Variants in CDK19 observed in about 807,000 individuals in gnomAD.
CDK19 encodes the protein cyclin-dependent kinase 19.
A neutral mutation model predicts 68.3 loss-of-function variants in CDK19; 20 were observed. The observed-to-expected ratio is 0.29, with a 90% confidence interval of 0.21 to 0.43. The LOEUF is 0.43. Ranked by LOEUF, CDK19 falls within the 20% of genes least tolerant of loss-of-function variation. The probability of loss-of-function intolerance (pLI) is 1.00; values close to 1 mark genes in which losing one functional copy is unlikely to be tolerated. For synonymous variants in CDK19, 221 were observed against 222.8 expected (o/e 0.99, Z 0.07); for missense variants, 339 against 623.5 (o/e 0.54, Z 4.86).
At position 110,638,809 on chromosome 6, in the gene CDK19, C is replaced by T. The variant is rs966268395; in HGVS notation, c.457-103G>A. On this transcript the variant is annotated intron_variant, in intron 4 of 12. Transcript: ENST00000368911. ...ATATAAAAAATCATTTCTGTATTTT[C>T]ATCAAAAGTAAATCAAATATTAAGC... 8.9e-5 allele frequency: 63 copies of T among 707,942 alleles called. No homozygotes were observed. In the Admixed American group the frequency reaches 1.5e-3, roughly 17 times the overall value. The allele number at this position is 707,942 out of a possible 1,614,324, so 43.9% of individuals were successfully genotyped here. A position where few individuals can be genotyped will look rare whatever the true frequency, so the allele number is the denominator to read the frequency against.
chr6:110,761,321 A>C (rs1393299067), intron 1 of CDK19, among the ~76,000 whole-genome samples: 2 of 152,200 alleles, frequency 1.3e-5, no homozygotes, highest in African/African-American at 4.8e-5. Context: ...TTTGCAAATA[A>C]TTTAAATGAG....
chr6:110,764,047 G>A (rs913770732), intron 1 of CDK19, among the ~76,000 whole-genome samples: 2 of 151,940 alleles, frequency 1.3e-5, no homozygotes, highest in Non-Finnish European at 2.9e-5. Flanking sequence ...TCTAACAAAA[G>A]TATAAAATAT....
At chr6:110,639,628 G>C (rs74476912) in intron 4 of CDK19, among the ~76,000 whole-genome samples, 2 of 152,202 alleles carry the variant, frequency 1.3e-5, no homozygotes, top group Non-Finnish European at 2.9e-5. Flanking sequence ...AGAGAAGACT[G>C]AGGTTTTGTG....
rs940539 is a variant in CDK19 at position 110,656,255 on chromosome 6, A to C, written c.456+11179T>G. Among the ~76,000 whole-genome samples the C allele has an allele frequency of 6.6e-5, 10 of 152,242 alleles. No homozygotes were observed. The South Asian group carries it at 2.1e-3, about 32-fold the overall frequency. On this transcript the variant is annotated intron_variant, in intron 4 of 12. Coordinates refer to ENST00000368911, the MANE Select transcript of CDK19 (RefSeq NM_015076.5). ...TAACTCTGTATTCCCAGTACCCAGC[A>C]TACTATCTGGTACATATTAAGAAGC... is the stretch of plus-strand genomic sequence containing the variant.
At chr6:110,758,840 G>A (rs1400901454) in intron 1 of CDK19, among the ~76,000 whole-genome samples, 5 of 152,066 alleles carry the variant, frequency 3.3e-5, no homozygotes. Context: ...TGTCAGATCA[G>A]ATAGAGCTAG....
intron 1 of CDK19, among the ~76,000 whole-genome samples, chr6:110,811,703 A>G (rs1174857937): frequency 6.6e-6 from 1 of 152,180 alleles, no homozygotes; most frequent in African/African-American, 2.4e-5. Context: ...CTTGTATTAA[A>G]AAGTTCAGAA....
At chr6:110,800,757 A>C (rs1255941042) in intron 1 of CDK19, among the ~76,000 whole-genome samples, 3 of 152,192 alleles carry the variant, frequency 2.0e-5, no homozygotes, top group Non-Finnish European at 4.4e-5. Context: ...CATTCCCTTC[A>C]TGACAAAAAT....
chr6:110,809,114 C>T (rs1210044087), intron 1 of CDK19, among the ~76,000 whole-genome samples: 1 of 151,436 alleles, frequency 6.6e-6, no homozygotes, highest in Non-Finnish European at 1.5e-5. Flanking sequence ...ACTCGGGAGG[C>T]TGAGGCAGGA....
At position 110,714,688 on chromosome 6, in the gene CDK19, T is replaced by C. The variant is rs187544727; in HGVS notation, c.204+31438A>G. Among the ~76,000 whole-genome samples the C allele has an allele frequency of 9.9e-5, 15 of 151,962 alleles. No homozygotes were observed. In the East Asian group the frequency reaches 1.7e-3, roughly 18 times the overall value. On this transcript the variant is annotated intron_variant, in intron 2 of 12. Transcript: ENST00000368911. ...GAGCATCTTTTCATGTGCTTAAAGG[T>C]GATTCATATATCTTCTTTGGAAAAA... is the stretch of plus-strand genomic sequence containing the variant.
In CDK19 at chr6:110,648,538, C is replaced by CTTTTTTTTT. The variant is rs60624969; in HGVS notation, c.457-9841_457-9833dup. ...AACACCATGAAATCTTTTTTCTTTT[C>CTTTTTTTTT]TTTTTTTTTTTTTTTTTTTTGAGAA... is the stretch of plus-strand genomic sequence containing the variant. On this transcript the variant is annotated intron_variant, in intron 4 of 12. Transcript: ENST00000368911. Among the ~76,000 whole-genome samples the CTTTTTTTTT allele has an allele frequency of 4.6e-4, 55 of 120,228 alleles. 2 individuals carry two copies. Among genetic ancestry groups the CTTTTTTTTT allele is most frequent in the African/African-American group, 1.7e-3 (53 of 32,038 alleles). 78.9% of individuals were successfully genotyped at this position (120,228 alleles called of 152,430 possible).
intron 2 of CDK19, among the ~76,000 whole-genome samples, chr6:110,698,229 G>A (rs1212302950): frequency 1.3e-5 from 2 of 151,914 alleles, no homozygotes; most frequent in Non-Finnish European, 2.9e-5. Context: ...ACAACCCACA[G>A]AATGGGAGAA....
intron 1 of CDK19, among the ~76,000 whole-genome samples, chr6:110,783,426 T>C (rs1489316117): frequency 1.3e-5 from 2 of 151,832 alleles, no homozygotes; most frequent in East Asian, 3.9e-4. Flanking sequence ...TCACTAGAGG[T>C]CAGGAGTTCG....
At position 110,769,577 on chromosome 6, in the gene CDK19, A is replaced by AAAT. The variant is rs768751177; in HGVS notation, c.129-23379_129-23377dup. 9.9e-3 allele frequency among the ~76,000 whole-genome samples: 1,446 copies of AAAT among 146,318 alleles called. 26 individuals are homozygous for AAAT. The highest frequency in any genetic ancestry group is 0.033 in the African/African-American group (1,307 of 39,394). ...AAGATTCCATCTCAAAAAAAAAAAA[A>AAAT]AATAATAATAATAATAATAATAGGG... On this transcript the variant is annotated intron_variant, in intron 1 of 12. Transcript: ENST00000368911.
intron 2 of CDK19, among the ~76,000 whole-genome samples, chr6:110,687,294 C>CT (rs1312380647): frequency 6.6e-6 from 1 of 152,136 alleles, no homozygotes; most frequent in Non-Finnish European, 1.5e-5. Flanking sequence ...ATGGTACTAA[C>CT]TTTAACAAAT....
chr6:110,645,951 C>A (rs1287618892), intron 4 of CDK19: 1 of 1,150,578 alleles, frequency 8.7e-7, no homozygotes, highest in Non-Finnish European at 1.3e-6. Context: ...AGCCACCGAC[C>A]GCGAGGGCTT....
At chr6:110,690,709 T>C (rs531121110) in intron 2 of CDK19, among the ~76,000 whole-genome samples, 3 of 152,298 alleles carry the variant, frequency 2.0e-5, no homozygotes, top group Admixed American at 6.5e-5. Context: ...ACTGAGCACA[T>C]TGCTACTACA....
At chr6:110,771,796 C>T (rs1270896025) in intron 1 of CDK19, among the ~76,000 whole-genome samples, 1 of 152,192 alleles carries the variant, frequency 6.6e-6, no homozygotes, top group Non-Finnish European at 1.5e-5. Flanking sequence ...GCCAGATATC[C>T]TAAATCATCT....
rs2691177 is a variant in CDK19, at chr6:110,641,440, T to C, written c.457-2734A>G. ...GGTGAAACCCCATCTCTACTAAAAATACAAAAATTAGCCAGGCATGGTGGC... is the reference window on the plus strand; with the variant it reads ...GGTGAAACCCCATCTCTACTAAAAACACAAAAATTAGCCAGGCATGGTGGC... On this transcript the variant is annotated intron_variant, in intron 4 of 12. Transcript: ENST00000368911. Among the ~76,000 whole-genome samples the C allele has an allele frequency of 8.8e-3, 1,319 of 150,694 alleles. 16 individuals are homozygous for C. The highest frequency in any genetic ancestry group is 0.031 in the African/African-American group (1,257 of 41,040).
At chr6:110,742,701 G>A (rs961240928) in intron 2 of CDK19, among the ~76,000 whole-genome samples, 4 of 152,072 alleles carry the variant, frequency 2.6e-5, no homozygotes, top group Non-Finnish European at 5.9e-5. Flanking sequence ...AATGAAATAC[G>A]CCCTGGTCTC....
Sources: gnomAD v4.1 joint callset for allele counts (sites outside exome capture counted in the v4.1 genomes callset) on GRCh38, gnomAD v4.1.1 for gene constraint, MANE v1.5 for transcripts, NCBI Gene and HGNC (gene_info 2026-07-23, HGNC 2026-07-21) for gene names.